FAM227B: variants seen among roughly 807,000 people sequenced by gnomAD.
FAM227B encodes family with sequence similarity 227 member B, also known as protein FAM227B.
Under a neutral mutation model 73.8 loss-of-function variants are expected in FAM227B, and 88 were observed. The ratio of observed to expected loss-of-function variants is 1.19; its 90% CI spans 1.00 to 1.42. FAM227B has a LOEUF of 1.42. FAM227B is among the 40% of genes most tolerant of loss of function. The probability of loss-of-function intolerance (pLI) is 0.00; values close to 1 mark genes in which losing one functional copy is unlikely to be tolerated. For missense variants in FAM227B, 632 were observed against 590.9 expected, an observed-to-expected ratio of 1.07 and a Z score of -0.72; for synonymous variants, 210 against 190.5, an observed-to-expected ratio of 1.10 and a Z score of -0.84.
intron 11 of FAM227B, among the ~76,000 whole-genome samples, chr15:49,436,284 G>C (rs2051098395): frequency 6.6e-6 from 1 of 151,550 alleles, no homozygotes; most frequent in Non-Finnish European, 1.5e-5. Flanking sequence ...TGAGTAGTCA[G>C]TTAACTTACA....
chr15:49,339,094 G>A (rs2040270607), intron 13 of FAM227B, among the ~76,000 whole-genome samples: 1 of 152,004 alleles, frequency 6.6e-6, no homozygotes, highest in Admixed American at 6.6e-5. Flanking sequence ...TAGCTCGCAG[G>A]AGTTTGTTAT....
At chr15:49,518,377 G>C (rs561576324) in intron 10 of FAM227B, among the ~76,000 whole-genome samples, 2 of 152,162 alleles carry the variant, frequency 1.3e-5, no homozygotes, top group African/African-American at 2.4e-5. Flanking sequence ...GTCATGACCT[G>C]AGTGAAAAGC....
At chr15:49,544,670 G>T (rs12593917) in intron 9 of FAM227B, among the ~76,000 whole-genome samples, 40,711 of 152,022 alleles carry the variant, frequency 0.27, 6,372 homozygotes, top group Non-Finnish European at 0.36. Flanking sequence ...TTACCCTGAG[G>T]TATGTCTCCT....
rs145977148 is a variant in FAM227B, at chr15:49,339,965, C to T, written c.1272-4469G>A. On this transcript the variant is annotated intron_variant, in intron 13 of 15. Coordinates refer to ENST00000299338, the MANE Select transcript of FAM227B (RefSeq NM_152647.3). Reference sequence around the variant, plus strand: ...GCCTCAGCAATGGTGGACACCCCTCCCCCCACCAAGCTTGAGGGTCCCAGG... The same window carrying T: ...GCCTCAGCAATGGTGGACACCCCTCTCCCCACCAAGCTTGAGGGTCCCAGG... Among the ~76,000 whole-genome samples the T allele has an allele frequency of 7.5e-3, 1,140 of 152,258 alleles. 16 individuals are homozygous for T. Among genetic ancestry groups the T allele is most frequent in the African/African-American group, 0.026 (1,097 of 41,566 alleles).
intron 9 of FAM227B, among the ~76,000 whole-genome samples, chr15:49,554,831 G>A (rs538000710): frequency 6.6e-6 from 1 of 151,914 alleles, no homozygotes; most frequent in Non-Finnish European, 1.5e-5. Context: ...GTGTTCTTGT[G>A]GGGGGACAAT....
chr15:49,534,751 ATTGCTT>A (rs2060883176), intron 10 of FAM227B, among the ~76,000 whole-genome samples: 3 of 151,854 alleles, frequency 2.0e-5, no homozygotes. Flanking sequence ...CATATCTAGT[ATTGCTT>A]TCAACCACAA....
intron 3 of FAM227B, among the ~76,000 whole-genome samples, chr15:49,593,949 A>G (rs2076739823): frequency 1.3e-5 from 2 of 152,200 alleles, no homozygotes; most frequent in African/African-American, 4.8e-5. Context: ...CATATCTAAT[A>G]GTGGGATTAC....
At chr15:49,552,133 A>G (rs2073106440) in intron 9 of FAM227B, among the ~76,000 whole-genome samples, 1 of 152,062 alleles carries the variant, frequency 6.6e-6, no homozygotes, top group South Asian at 2.1e-4. Context: ...TTTTCTTTCT[A>G]ATTGAAGTCC....
At chr15:49,343,655 A>G (rs2151246766) in intron 13 of FAM227B, 1 of 152,336 alleles carries the variant, frequency 6.6e-6, no homozygotes, top group East Asian at 1.9e-4. Flanking sequence ...ATTTTACTCC[A>G]GGAGAGAAAT....
chr15:49,328,495 A>C lies in FAM227B; in HGVS notation c.*73T>G, dbSNP rs1369529631. The C allele has an allele frequency of 4.4e-6, 7 of 1,577,020 alleles. No homozygotes were observed. The African/African-American group carries it at 8.1e-5, about 18-fold the overall frequency. On this transcript the variant is annotated 3_prime_UTR_variant, in exon 16 of 16. Transcript: ENST00000299338. Reference sequence around the variant, plus strand: ...TACATGGATTGGACTTGAATTAAATATATTGTTACAATTAAACTGATACCA... The same window carrying C: ...TACATGGATTGGACTTGAATTAAATCTATTGTTACAATTAAACTGATACCA...
At chr15:49,371,264 C>T in intron 12 of FAM227B, 38 bp downstream of exon 12, 1 of 1,278,820 alleles carries the variant, frequency 7.8e-7, no homozygotes, top group Non-Finnish European at 1.1e-6. Context: ...GCAAATTAAA[C>T]AAGTAAGAAA....
intron 11 of FAM227B, among the ~76,000 whole-genome samples, chr15:49,503,280 T>C (rs992569345): frequency 6.6e-6 from 1 of 152,156 alleles, no homozygotes; most frequent in African/African-American, 2.4e-5. Context: ...TAATTCAAGA[T>C]GGATTAAAGA....
intron 11 of FAM227B, among the ~76,000 whole-genome samples, chr15:49,406,995 C>A (rs1420289036): frequency 6.6e-6 from 1 of 152,086 alleles, no homozygotes; most frequent in Non-Finnish European, 1.5e-5. Context: ...AGCCAGCAGA[C>A]CAAGAAGTGC....
At chr15:49,396,688 C>T (rs565695758) in intron 11 of FAM227B, among the ~76,000 whole-genome samples, 18 of 151,262 alleles carry the variant, frequency 1.2e-4, no homozygotes, top group Non-Finnish European at 2.2e-4. Flanking sequence ...GGTCCCTGAC[C>T]CCTGACCCCC....
chr15:49,394,947 TCTC>T (rs915600763), intron 11 of FAM227B, among the ~76,000 whole-genome samples: 48 of 152,160 alleles, frequency 3.2e-4, no homozygotes, highest in African/African-American at 1.1e-3. Flanking sequence ...TTACAAATGT[TCTC>T]CTAATAAATA....
chr15:49,434,178 G>C (rs1480982571), intron 11 of FAM227B, among the ~76,000 whole-genome samples: 1 of 151,546 alleles, frequency 6.6e-6, no homozygotes, highest in Non-Finnish European at 1.5e-5. Flanking sequence ...TAGTTTATCT[G>C]GTTCATATTG....
At chr15:49,384,194 T>G (rs1275547311) in intron 11 of FAM227B, among the ~76,000 whole-genome samples, 1 of 152,092 alleles carries the variant, frequency 6.6e-6, no homozygotes, top group Non-Finnish European at 1.5e-5. Flanking sequence ...ACAGCCTCAT[T>G]TTAACATCCA....
In FAM227B at chr15:49,611,230, T is replaced by A. The variant is rs761968765; in HGVS notation, c.90A>T (p.Leu30Phe). The A allele has an allele frequency of 1.9e-6, 3 of 1,590,772 alleles. No homozygotes were observed. The highest frequency in any genetic ancestry group is 2.6e-6 in the Non-Finnish European group (3 of 1,161,956). ...QEPPKSIEEFLKFQNWDYWPR... is the reference protein window; with the variant it reads ...QEPPKSIEEFFKFQNWDYWPR... The stretch of plus-strand genomic sequence containing the variant: ...CTTTACTCACCCAATTTTGAAACTT[T>A]AAGAATTCTTCAATGCTCTTTGGAG... The change falls in exon 3 of 16, where the codon TTA (leucine) becomes TTT (phenylalanine). Residue 30 changes from leucine to phenylalanine, a missense_variant. Leu to Phe is a conservative substitution (Grantham distance 22). Coordinates refer to ENST00000299338, the MANE Select transcript of FAM227B (RefSeq NM_152647.3).
intron 14 of FAM227B, among the ~76,000 whole-genome samples, chr15:49,333,769 G>T (rs761104294): frequency 6.6e-6 from 1 of 152,140 alleles, no homozygotes; most frequent in Non-Finnish European, 1.5e-5. Context: ...ACGTGCTTAC[G>T]GGTGTGTTGG....
Sources: allele counts gnomAD v4.1 joint callset (sites outside exome capture counted in the v4.1 genomes callset), GRCh38; gene constraint gnomAD v4.1.1; transcripts MANE v1.5; gene names NCBI Gene and HGNC (gene_info 2026-07-23, HGNC 2026-07-21).